The following BRCA2 variants were observed in gnomAD, a reference collection of about 807,000 sequenced individuals.
The protein encoded by BRCA2 is BRCA2 DNA repair associated, also known as breast cancer type 2 susceptibility protein.
In BRCA2, 203 loss-of-function variants were observed where a neutral mutation model predicts 276.7. The ratio of observed to expected loss-of-function variants is 0.73; its 90% confidence interval spans 0.65 to 0.82. BRCA2 has a LOEUF of 0.82. Among genes scored for constraint, BRCA2 ranks in the 40% least tolerant of loss-of-function variants. BRCA2 has a pLI of 0.00. For missense variants in BRCA2, 3,920 were observed against 3,915.0 expected (o/e 1.00, Z -0.03); for synonymous variants, 1,289 against 1,338.4 (o/e 0.96, Z 0.81).
intron 20 of BRCA2, 68 bp downstream of exon 20, chr13:32,371,168 T>G: frequency 6.6e-7 from 1 of 1,514,536 alleles, no homozygotes; most frequent in Non-Finnish European, 9.1e-7. Flanking sequence ...GACTTTGAAT[T>G]TAACATTTTT....
rs80359771 is a variant in BRCA2, at chr13:32,396,973, ACC to A, written c.9580_9581del (p.Pro3194AsnfsTer2). ...GCATGCAAATGATCCCAAGTGGTCC[ACC>A]CCAACTAAAGACTGTACTTCAGGGC... ...ILHANDPKWS[T>X]PTKDCTSGPY... On this transcript the variant is annotated frameshift_variant, in exon 26 of 27. Transcript: ENST00000380152. LOFTEE classifies it high-confidence loss of function. 2 of 1,614,086 alleles carry A rather than the reference ACC, an allele frequency of 1.2e-6. No homozygotes were observed. The highest frequency in any genetic ancestry group is 1.7e-6 in the Non-Finnish European group (2 of 1,179,960).
chr13:32,365,213 G>T (rs1408377107), intron 18 of BRCA2, among the ~76,000 whole-genome samples: 2 of 141,220 alleles, frequency 1.4e-5, no homozygotes, highest in Non-Finnish European at 3.0e-5. Flanking sequence ...TGTTGCCTAG[G>T]CTGGTCTTGA....
chr13:32,389,646 C>G (rs1186149193), intron 24 of BRCA2, among the ~76,000 whole-genome samples: 1 of 152,172 alleles, frequency 6.6e-6, no homozygotes, highest in African/African-American at 2.4e-5. Flanking sequence ...TGTCATCATT[C>G]CAATTGATGT....
chr13:32,341,633 G>A (rs1441560821), intron 11 of BRCA2, among the ~76,000 whole-genome samples: 1 of 152,086 alleles, frequency 6.6e-6, no homozygotes, highest in Non-Finnish European at 1.5e-5. Flanking sequence ...CCGGGAGGCC[G>A]AGGCGGGCGG....
At chr13:32,385,407 G>A (rs2072952354) in intron 24 of BRCA2, 1 of 215,912 alleles carries the variant, frequency 4.6e-6, no homozygotes, top group Non-Finnish European at 1.0e-5. Context: ...ATACGTCCAT[G>A]CAGACCTTTG....
chr13:32,326,883 T>C (rs1264927184), intron 7 of BRCA2, among the ~76,000 whole-genome samples: 1 of 152,248 alleles, frequency 6.6e-6, no homozygotes, highest in African/African-American at 2.4e-5. Flanking sequence ...TACTGGCCTA[T>C]ATAAGCGTTT....
rs2137469719 is a variant in BRCA2, at chr13:32,332,772, G to A, written c.1294G>A (p.Glu432Lys). ...TTCAGAAAAAGACCTATTAGACACA[G>A]AGAACAAAAGAAAGAAAGATTTTCT... ...NISEKDLLDT[E>K]NKRKKDFLTS... The change falls in exon 10 of 27, where the codon GAG (glutamate) becomes AAG (lysine). Residue 432 changes from glutamate to lysine, a missense_variant. Coordinates refer to ENST00000380152, the MANE Select transcript of BRCA2 (RefSeq NM_000059.4). 6.2e-7 allele frequency: 1 copy of A among 1,607,552 alleles called. No homozygotes were observed. The highest frequency in any genetic ancestry group is 1.1e-5 in the South Asian group (1 of 89,422).
chr13:32,355,373 C>T (rs2072686241), intron 14 of BRCA2, 85 bp downstream of exon 14: 2 of 1,468,198 alleles, frequency 1.4e-6, no homozygotes, highest in Non-Finnish European at 1.9e-6. Flanking sequence ...GGTTTTCCCC[C>T]TTTGGTGGTG....
At position 32,354,941 on chromosome 13, in the gene BRCA2, A is replaced by G. The variant is rs80358939; in HGVS notation, c.7088A>G (p.Tyr2363Cys). The change falls in exon 14 of 27, where the codon TAT becomes TGT. Residue 2363 changes from tyrosine (Y) to cysteine (C), a missense_variant. Physicochemically the swap from Tyr to Cys is radical, Grantham distance 194. Around this residue, in one of 2 missense-constraint regions of BRCA2, gnomAD observed 3,263 missense variants for 3,156.9 expected, o/e 1.03. Transcript: ENST00000380152. ...GAATTTCTGTCTAAATCTCATTTGT[A>G]TGAACATCTGACTTTGGAAAAATCT... ...GQEFLSKSHLYEHLTLEKSSS... is the reference protein window; with the variant it reads ...GQEFLSKSHLCEHLTLEKSSS... 6 of 1,613,892 alleles carry G rather than the reference A, an allele frequency of 3.7e-6. No homozygotes were observed. In the East Asian group the frequency reaches 1.1e-4, roughly 30 times the overall value.
Position 32,337,680 on chromosome 13 carries a change from G to A in BRCA2, c.3325G>A (p.Ala1109Thr), listed in dbSNP as rs752886421. 1 of 1,598,838 alleles carries A rather than the reference G, an allele frequency of 6.3e-7. No individual in the cohort carries two copies. Among genetic ancestry groups the A allele is most frequent in the Non-Finnish European group, 8.5e-7 (1 of 1,173,456 alleles). ...CCATAATTTAACACCTAGCCAAAAG[G>A]CAGAAATTACAGAACTTTCTACTAT... is the stretch of plus-strand genomic sequence containing the variant. ...SNHNLTPSQK[A>T]EITELSTILE... is the part of the protein sequence containing the mutation. The change falls in exon 11 of 27, where the codon GCA (alanine) becomes ACA (threonine). Residue 1109 changes from alanine (A) to threonine (T), a missense_variant. By Grantham distance (58) the Ala-to-Thr change is moderately conservative. Coordinates refer to ENST00000380152, the MANE Select transcript of BRCA2 (RefSeq NM_000059.4).
chr13:32,358,964 A>G (rs1361039386), intron 16 of BRCA2, among the ~76,000 whole-genome samples: 1 of 149,092 alleles, frequency 6.7e-6, no homozygotes, highest in Admixed American at 6.7e-5. Flanking sequence ...GCTCACACCT[A>G]TAATCCCAGC....
intron 16 of BRCA2, among the ~76,000 whole-genome samples, chr13:32,358,915 CAG>C (rs756648401): frequency 2.0e-5 from 3 of 151,024 alleles, no homozygotes; most frequent in Non-Finnish European, 4.4e-5. Flanking sequence ...GCCTGGGCAA[CAG>C]AGCAAGACCC....
intron 25 of BRCA2, 170 bp from the exon 26 acceptor site, chr13:32,396,728 A>G (rs980623666): frequency 1.1e-5 from 8 of 744,620 alleles, no homozygotes; most frequent in Non-Finnish European, 1.8e-5. Flanking sequence ...AATCACTGAT[A>G]CTGGTTTTGT....
Position 32,326,169 on chromosome 13 carries a change from CT to C in BRCA2, c.475+24del. The C allele has an allele frequency of 6.2e-7, 1 of 1,606,862 alleles. No individual in the cohort carries two copies. ...AAGTCAGGTATGATTAAAAACAATG[CT>C]TTTTATTCTTAGAATACTAGAAATG... On this transcript the variant is annotated intron_variant, in intron 5 of 26. Transcript: ENST00000380152.
At chr13:32,362,876 G>T (rs1289248674) in intron 17 of BRCA2, among the ~76,000 whole-genome samples, 183 bp downstream of exon 17, 1 of 151,984 alleles carries the variant, frequency 6.6e-6, no homozygotes, top group Non-Finnish European at 1.5e-5. Flanking sequence ...TTCATGCATT[G>T]CTTGCTTCCC....
intron 20 of BRCA2, 129 bp downstream of exon 20, chr13:32,371,229 T>C: frequency 1.1e-6 from 1 of 938,704 alleles, no homozygotes; most frequent in Non-Finnish European, 1.6e-6. Context: ...TATTTTTTAG[T>C]ATCTAGGGTA....
chr13:32,384,275 C>G (rs951190992), intron 24 of BRCA2, among the ~76,000 whole-genome samples: 1 of 152,072 alleles, frequency 6.6e-6, no homozygotes, highest in Non-Finnish European at 1.5e-5. Flanking sequence ...TTTGTTGCAA[C>G]AAGATGGCAA....
chr13:32,349,225 A>G (rs1316098513), intron 13 of BRCA2, among the ~76,000 whole-genome samples: 1 of 84,738 alleles, frequency 1.2e-5, no homozygotes, highest in Non-Finnish European at 3.0e-5. Flanking sequence ...TCAAAAAAAA[A>G]AAAAAAAAAA....
intron 6 of BRCA2, 73 bp from the exon 7 acceptor site, chr13:32,326,426 A>G: frequency 1.4e-6 from 2 of 1,447,242 alleles, no homozygotes; most frequent in Non-Finnish European, 1.9e-6. Flanking sequence ...TGAAATAAAG[A>G]GTGAATGAAA....
Sources: allele counts gnomAD v4.1 joint callset (sites outside exome capture counted in the v4.1 genomes callset), GRCh38; gene constraint gnomAD v4.1.1; regional missense constraint gnomAD v4.1.1; transcripts MANE v1.5; gene names NCBI Gene and HGNC (gene_info 2026-07-23, HGNC 2026-07-21).